ZFAND3: variants seen among roughly 807,000 people sequenced by gnomAD.
The protein encoded by ZFAND3 is zinc finger AN1-type containing 3.
In ZFAND3, 10 loss-of-function variants were observed where a neutral mutation model predicts 29.6. The ratio of observed to expected loss-of-function variants is 0.34; its 90% CI spans 0.21 to 0.57. The LOEUF is 0.57. ZFAND3 is among the 20% of genes least tolerant of loss of function. The pLI is 0.86. For synonymous variants in ZFAND3, 128 were observed against 112.6 expected (o/e 1.14, Z -0.87); for missense variants, 230 against 304.5 (o/e 0.76, Z 1.82).
At chr6:37,912,542 T>G (rs1182721295) in intron 1 of ZFAND3, among the ~76,000 whole-genome samples, 2 of 152,154 alleles carry the variant, frequency 1.3e-5, no homozygotes, top group Non-Finnish European at 2.9e-5. Context: ...AAAAACCAGT[T>G]AAATAAGGGT....
At chr6:37,960,351 T>C (rs1762173301) in intron 2 of ZFAND3, among the ~76,000 whole-genome samples, 1 of 152,214 alleles carries the variant, frequency 6.6e-6, no homozygotes. Flanking sequence ...AAATGTCAGA[T>C]CCTTGAATGC....
chr6:38,084,606 A>G (rs1016107921), intron 4 of ZFAND3, among the ~76,000 whole-genome samples: 1 of 152,208 alleles, frequency 6.6e-6, no homozygotes, highest in Admixed American at 6.5e-5. Flanking sequence ...AACTGATTTT[A>G]TATTGATCAC....
At chr6:37,911,019 C>G (rs1300514114) in intron 1 of ZFAND3, among the ~76,000 whole-genome samples, 1 of 152,148 alleles carries the variant, frequency 6.6e-6, no homozygotes. Context: ...GTGTAGATAT[C>G]TCTTCAGCAT....
At chr6:38,114,960 A>G (rs1765388872) in intron 4 of ZFAND3, among the ~76,000 whole-genome samples, 2 of 152,232 alleles carry the variant, frequency 1.3e-5, no homozygotes, top group Non-Finnish European at 2.9e-5. Context: ...GTGGAGGAAT[A>G]AAAGGGAAAC....
At chr6:37,934,529 TAAAAA>T (rs34477813) in intron 2 of ZFAND3, among the ~76,000 whole-genome samples, 1 of 125,380 alleles carries the variant, frequency 8.0e-6, no homozygotes, top group African/African-American at 3.0e-5. Context: ...TTAGTCTATT[TAAAAA>T]AAAAAAAAAA....
intron 1 of ZFAND3, among the ~76,000 whole-genome samples, chr6:37,899,098 A>G (rs1765271829): frequency 1.3e-5 from 2 of 151,946 alleles, no homozygotes; most frequent in Admixed American, 1.3e-4. Context: ...ACGGGGTTTC[A>G]CCGTGTTAGT....
At chr6:38,146,224 G>A (rs975565496) in intron 5 of ZFAND3, among the ~76,000 whole-genome samples, 29 of 152,120 alleles carry the variant, frequency 1.9e-4, no homozygotes, top group African/African-American at 6.3e-4. Context: ...GGTGTAGCTG[G>A]TGGAGACCCT....
chr6:37,924,554 C>T (rs548802725), intron 1 of ZFAND3, among the ~76,000 whole-genome samples: 1 of 151,990 alleles, frequency 6.6e-6, no homozygotes, highest in South Asian at 2.1e-4. Context: ...GTGGTCAGGC[C>T]ACAGGAGTTG....
intron 5 of ZFAND3, among the ~76,000 whole-genome samples, chr6:38,137,811 G>A (rs531076557): frequency 1.7e-4 from 26 of 152,148 alleles, no homozygotes; most frequent in Non-Finnish European, 3.4e-4. Flanking sequence ...CAAAGGCCCT[G>A]GAGGGAGGAA....
chr6:37,975,728 A>G (rs79773304), intron 2 of ZFAND3, among the ~76,000 whole-genome samples: 2 of 152,178 alleles, frequency 1.3e-5, no homozygotes, highest in African/African-American at 4.8e-5. Context: ...TCTGGAGTTT[A>G]TATTCTGTTG....
chr6:38,057,150 C>A (rs1179600588), intron 2 of ZFAND3, among the ~76,000 whole-genome samples: 5 of 152,132 alleles, frequency 3.3e-5, no homozygotes, highest in Non-Finnish European at 7.4e-5. Context: ...AGGGAACAGA[C>A]CTTCACTGTG....
chr6:38,003,793 A>G (rs1461416598), intron 2 of ZFAND3: 2 of 451,422 alleles, frequency 4.4e-6, no homozygotes, highest in East Asian at 1.5e-4. Flanking sequence ...GGCGAGAGCT[A>G]CAGTGCCTGG....
chr6:38,014,591 T>A (rs969916492), intron 2 of ZFAND3, among the ~76,000 whole-genome samples: 3 of 152,158 alleles, frequency 2.0e-5, no homozygotes, highest in African/African-American at 7.2e-5. Flanking sequence ...CCTCCCAAAG[T>A]GCTGGGATTA....
chr6:38,152,852 A>G lies in ZFAND3; in HGVS notation c.*463A>G. On this transcript the variant is annotated 3_prime_UTR_variant, in exon 6 of 6. Transcript: ENST00000287218. ...TCACTTATCCTTAGTCCCAGTAGCC[A>G]GGATACCTGATGGCCACGTGTGCCT... is the stretch of plus-strand genomic sequence containing the variant. 8 of 986,106 alleles carry G rather than the reference A, an allele frequency of 8.1e-6. No homozygotes were observed. The highest frequency in any genetic ancestry group is 8.4e-6 in the Non-Finnish European group (7 of 830,118). 61.1% of individuals were successfully genotyped at this position (986,106 alleles called of 1,614,324 possible).
At chr6:38,133,840 GC>G (rs2127492367) in intron 5 of ZFAND3, among the ~76,000 whole-genome samples, 1 of 151,426 alleles carries the variant, frequency 6.6e-6, no homozygotes, top group South Asian at 2.1e-4. Context: ...TATGAAGGTA[GC>G]ACCTGGGATT....
intron 4 of ZFAND3, among the ~76,000 whole-genome samples, chr6:38,093,656 A>G (rs924954530): frequency 6.6e-6 from 1 of 152,172 alleles, no homozygotes; most frequent in Non-Finnish European, 1.5e-5. Flanking sequence ...GACTAAGGAA[A>G]GCTATGGCCA....
At chr6:38,056,662 G>A (rs1008734384) in intron 2 of ZFAND3, among the ~76,000 whole-genome samples, 19 of 152,172 alleles carry the variant, frequency 1.2e-4, no homozygotes, top group Non-Finnish European at 2.5e-4. Flanking sequence ...GAAGATTGAC[G>A]TGTGAAAAAT....
At position 38,152,241 on chromosome 6, in the gene ZFAND3, T is replaced by C. The variant is rs1433956451; in HGVS notation, c.536T>C (p.Val179Ala). ...GCTTCTCCCGCTGCTGCAGGTTATG[T>C]GTTCTGTATGTTACATCGCCTCCCC... Reference protein sequence around the residue: ...QELGSCRCGYVFCMLHRLPEQ... With the variant: ...QELGSCRCGYAFCMLHRLPEQ... The change falls in exon 6 of 6, where the codon GTG becomes GCG. Residue 179 changes from valine to alanine, a missense_variant. Val to Ala is a moderately conservative substitution (Grantham distance 64). This residue lies in a region of ZFAND3 where 50 missense variants were observed against 102.0 expected (regional missense o/e 0.49). Coordinates refer to ENST00000287218, the MANE Select transcript of ZFAND3 (RefSeq NM_021943.3). 2.0e-6 allele frequency: 3 copies of C among 1,527,170 alleles called. No individual in the cohort carries two copies. In the South Asian group the frequency reaches 3.8e-5, roughly 19 times the overall value. 94.6% of individuals were successfully genotyped at this position (1,527,170 alleles called of 1,614,324 possible).
intron 2 of ZFAND3, among the ~76,000 whole-genome samples, chr6:38,011,230 T>C (rs550755185): frequency 4.6e-5 from 7 of 152,338 alleles, no homozygotes; most frequent in African/African-American, 1.7e-4. Context: ...ATTTCCAGTA[T>C]TGGAGTATTT....
Sources: allele counts gnomAD v4.1 joint callset (sites outside exome capture counted in the v4.1 genomes callset), GRCh38; gene constraint gnomAD v4.1.1; regional missense constraint gnomAD v4.1.1; transcripts MANE v1.5; gene names NCBI Gene and HGNC (gene_info 2026-07-23, HGNC 2026-07-21).